Variants in FAIM observed in about 807,000 individuals in gnomAD.
The protein encoded by FAIM is Fas apoptotic inhibitory molecule, also known as fas apoptotic inhibitory molecule 1.
FAIM carries 14 observed loss-of-function variants against 21.2 expected under a neutral mutation model. That is an observed-to-expected ratio of 0.66 (90% CI 0.44 to 1.03). The LOEUF (loss-of-function observed/expected upper bound fraction) is 1.03, where lower values mean the gene tolerates loss of function less well. FAIM is among the 50% of genes least tolerant of loss of function. The pLI, the probability that FAIM is intolerant of heterozygous loss-of-function variation, is 0.00. For missense variants in FAIM, 222 were observed against 247.1 expected, an observed-to-expected ratio of 0.90 and a Z score of 0.68; for synonymous variants, 86 against 80.4, an observed-to-expected ratio of 1.07 and a Z score of -0.37.
chr3:138,628,986 A>T, intron 4 of FAIM, 121 bp from the exon 5 acceptor site: 1 of 661,026 alleles, frequency 1.5e-6, no homozygotes, highest in Non-Finnish European at 2.5e-6. Flanking sequence ...GGGTTTTGGA[A>T]TATTAATGGA....
At chr3:138,613,640 T>A (rs1296105073) in intron 1 of FAIM, among the ~76,000 whole-genome samples, 1 of 151,920 alleles carries the variant, frequency 6.6e-6, no homozygotes, top group East Asian at 1.9e-4. Context: ...TGCACCACCA[T>A]GCCTGGCTAG....
intron 4 of FAIM, among the ~76,000 whole-genome samples, chr3:138,624,223 C>G (rs368551882): frequency 3.2e-4 from 48 of 152,310 alleles, no homozygotes; most frequent in African/African-American, 1.1e-3. Flanking sequence ...ACATATGGGA[C>G]TTTAACAGAT....
intron 4 of FAIM, 99 bp downstream of exon 4, chr3:138,622,515 A>G (rs1462090772): frequency 6.0e-6 from 5 of 830,956 alleles, no homozygotes; most frequent in Non-Finnish European, 9.2e-6. Context: ...GTTTGAAAAG[A>G]AGAGGGAGTG....
intron 2 of FAIM, among the ~76,000 whole-genome samples, chr3:138,620,528 CTCTT>C (rs2042873454): frequency 6.6e-6 from 1 of 152,184 alleles, no homozygotes; most frequent in Admixed American, 6.5e-5. Context: ...GACAGTCTCA[CTCTT>C]TCACCCGGGC....
In FAIM at chr3:138,629,124, G is replaced by T; in HGVS notation, c.424G>T (p.Val142Leu). ...RIVLEKDAMD[V>L]WCNGKKLETA... Reference sequence around the variant, plus strand: ...CTTTACAGAAAAAGATGCTATGGACGTATGGTGCAATGGTAAAAAATTGGA... The same window carrying T: ...CTTTACAGAAAAAGATGCTATGGACTTATGGTGCAATGGTAAAAAATTGGA... The change falls in exon 5 of 6, where the codon GTA (valine) becomes TTA (leucine). Residue 142 changes from valine to leucine, a missense_variant. Coordinates refer to ENST00000360570, the MANE Select transcript of FAIM (RefSeq NM_001033031.2). 6.2e-7 allele frequency: 1 copy of T among 1,610,534 alleles called. No homozygotes were observed. Among genetic ancestry groups the T allele is most frequent in the Non-Finnish European group, 8.5e-7 (1 of 1,178,510 alleles).
At chr3:138,619,998 C>T (rs2042867205) in intron 2 of FAIM, among the ~76,000 whole-genome samples, 1 of 152,224 alleles carries the variant, frequency 6.6e-6, no homozygotes, top group South Asian at 2.1e-4. Context: ...GAGGTCTTCT[C>T]ATTTCTGTCA....
At chr3:138,632,418 A>G (rs2043015624) in intron 5 of FAIM, among the ~76,000 whole-genome samples, 1 of 152,046 alleles carries the variant, frequency 6.6e-6, no homozygotes, top group South Asian at 2.1e-4. Flanking sequence ...GCCAGTGGCT[A>G]CTGTATTGAA....
intron 3 of FAIM, among the ~76,000 whole-genome samples, chr3:138,621,813 C>T (rs1008537037): frequency 2.6e-5 from 4 of 151,670 alleles, no homozygotes; most frequent in East Asian, 1.9e-4. Flanking sequence ...GACGGAGTCT[C>T]GCTGTGTCAC....
rs898881906 is a variant in FAIM, at chr3:138,632,861, T to A, written c.457-69T>A. On this transcript the variant is annotated intron_variant, in intron 5 of 5. Coordinates refer to ENST00000360570, the MANE Select transcript of FAIM (RefSeq NM_001033031.2). ...TTATTGCACTACTAGTACTTTTAGA[T>A]GGTGTGAATGCTCTAGACAGAGATA... 4 of 1,456,570 alleles carry A rather than the reference T, an allele frequency of 2.7e-6. No homozygotes were observed. In the African/African-American group the frequency reaches 5.7e-5, roughly 21 times the overall value. 90.2% of individuals were successfully genotyped at this position (1,456,570 alleles called of 1,614,324 possible).
chr3:138,627,977 C>G lies in FAIM; in HGVS notation c.407-1130C>G, dbSNP rs2042957495. ...GCACATACAGGCCATACTTCCTTCT[C>G]TTCTTCACTGTAATACCCAAAGCTC... On this transcript the variant is annotated intron_variant, in intron 4 of 5. Transcript: ENST00000360570. 2.0e-5 allele frequency among the ~76,000 whole-genome samples: 3 copies of G among 152,264 alleles called. 1 individual carries two copies. Among genetic ancestry groups the G allele is most frequent in the African/African-American group, 7.2e-5 (3 of 41,562 alleles).
intron 1 of FAIM, among the ~76,000 whole-genome samples, chr3:138,609,543 T>TCCCTCC (rs2042731882): frequency 5.5e-5 from 1 of 18,266 alleles, no homozygotes. Context: ...ACTCTCTCTC[T>TCCCTCC]CTCTCTCTCT....
chr3:138,619,921 G>C, intron 2 of FAIM, 151 bp downstream of exon 2: 1 of 732,050 alleles, frequency 1.4e-6, no homozygotes, highest in Non-Finnish European at 2.2e-6. Context: ...TAAAGCAGGA[G>C]TAGTAAATAC....
intron 1 of FAIM, among the ~76,000 whole-genome samples, chr3:138,614,448 A>G (rs2042804272): frequency 6.6e-6 from 1 of 150,760 alleles, no homozygotes; most frequent in Admixed American, 6.6e-5. Context: ...CTCAAAAAAC[A>G]AAAAAAAAGA....
chr3:138,617,525 ATC>A (rs1416376814), intron 1 of FAIM, among the ~76,000 whole-genome samples: 1 of 146,746 alleles, frequency 6.8e-6, no homozygotes, highest in Non-Finnish European at 1.5e-5. Context: ...ATCTATATAT[ATC>A]TCTCTCTATC....
intron 4 of FAIM, among the ~76,000 whole-genome samples, chr3:138,623,395 T>C (rs923313593): frequency 6.6e-6 from 1 of 152,298 alleles, no homozygotes; most frequent in South Asian, 2.1e-4. Context: ...AGAGTCTCAC[T>C]TTGTCGCCCA....
At chr3:138,631,557 C>G (rs1227270930) in intron 5 of FAIM, among the ~76,000 whole-genome samples, 1 of 152,190 alleles carries the variant, frequency 6.6e-6, no homozygotes, top group African/African-American at 2.4e-5. Flanking sequence ...CTCATTGTAA[C>G]TACAACCTAG....
intron 1 of FAIM, among the ~76,000 whole-genome samples, chr3:138,611,751 C>T (rs1332321312): frequency 6.6e-6 from 1 of 152,150 alleles, no homozygotes; most frequent in Non-Finnish European, 1.5e-5. Flanking sequence ...GAGCTTGTAC[C>T]TCCCCGCTGT....
At chr3:138,615,579 ACTTC>A (rs1249530010) in intron 1 of FAIM, among the ~76,000 whole-genome samples, 1 of 152,184 alleles carries the variant, frequency 6.6e-6, no homozygotes, top group African/African-American at 2.4e-5. Flanking sequence ...ATTCATGTTT[ACTTC>A]CTTTCAGACC....
chr3:138,620,875 AT>A (rs2042877405), intron 2 of FAIM, among the ~76,000 whole-genome samples: 2 of 152,160 alleles, frequency 1.3e-5, no homozygotes, highest in Non-Finnish European at 2.9e-5. Flanking sequence ...TTTTATCTTT[AT>A]TATAGGGCAT....
Sources: allele counts gnomAD v4.1 joint callset (sites outside exome capture counted in the v4.1 genomes callset), GRCh38; gene constraint gnomAD v4.1.1; transcripts MANE v1.5; gene names NCBI Gene and HGNC (gene_info 2026-07-23, HGNC 2026-07-21).